The following FGF13 variants were observed in gnomAD, a reference collection of about 807,000 sequenced individuals.
FGF13 encodes fibroblast growth factor homologous factor 2.
FGF13 carries 2 observed loss-of-function variants against 19.5 expected under a neutral mutation model. The observed-to-expected ratio is 0.10, with a 90% CI of 0.04 to 0.32. The LOEUF (loss-of-function observed/expected upper bound fraction) is 0.32, where lower values mean the gene tolerates loss of function less well. Ranked by LOEUF, FGF13 falls within the 10% of genes least tolerant of loss-of-function variation. The pLI is 1.00. For synonymous variants in FGF13, 72 were observed against 76.9 expected, an observed-to-expected ratio of 0.94 and a Z score of 0.33; for missense variants, 113 against 192.7, an observed-to-expected ratio of 0.59 and a Z score of 2.45.
intron 1 of FGF13, among the ~76,000 whole-genome samples, chrX:139,137,949 C>T (rs755910960): frequency 2.5e-4 from 28 of 112,258 alleles, no homozygotes; most frequent in Non-Finnish European, 4.3e-4. Context: ...TCTTTGCAGA[C>T]AGAGTCCAGA....
At chrX:139,183,718 C>G (rs779265019) in intron 1 of FGF13, among the ~76,000 whole-genome samples, 2 of 112,071 alleles carry the variant, frequency 1.8e-5, no homozygotes, top group Non-Finnish European at 3.8e-5. Context: ...CTAAATAAAC[C>G]TCTTTTCTGT....
At chrX:138,716,541 A>G (rs1214254895), upstream of FGF13, 1 of 111,430 alleles carries the variant, frequency 9.0e-6, no homozygotes. Context: ...TGATCCTGCC[A>G]CTGCATTCCA....
At chrX:139,065,978 G>C (rs1438299799) in intron 1 of FGF13, among the ~76,000 whole-genome samples, 1 of 111,668 alleles carries the variant, frequency 9.0e-6, no homozygotes, top group Non-Finnish European at 1.9e-5. Flanking sequence ...CAGTCTCTCA[G>C]ACAACAGTGC....
At chrX:139,107,011 A>G (rs371336333) in intron 1 of FGF13, among the ~76,000 whole-genome samples, 241 of 92,062 alleles carry the variant, frequency 2.6e-3, no homozygotes, top group African/African-American at 8.7e-3. Context: ...AAGCTATGCT[A>G]TTTTTTTTTC....
At chrX:138,720,786 C>T (rs977081061) in intron 1 of FGF13, among the ~76,000 whole-genome samples, 12 of 111,450 alleles carry the variant, frequency 1.1e-4, no homozygotes, top group African/African-American at 3.9e-4. Context: ...GACTTCAAAC[C>T]TGGATTTCAA....
intron 1 of FGF13, among the ~76,000 whole-genome samples, chrX:139,033,051 A>AAAC (rs2092235805): frequency 4.1e-5 from 4 of 97,747 alleles, no homozygotes; most frequent in African/African-American, 1.6e-4. Flanking sequence ...AAAAAAAAAA[A>AAAC]AAAACTACAG....
intron 1 of FGF13, among the ~76,000 whole-genome samples, chrX:139,115,263 C>T (rs1254915735): frequency 8.9e-6 from 1 of 112,177 alleles, no homozygotes; most frequent in Non-Finnish European, 1.9e-5. Flanking sequence ...TATCCAACAT[C>T]CATATCTGCC....
chrX:139,055,903 G>T (rs977367694), intron 1 of FGF13, among the ~76,000 whole-genome samples: 1 of 112,317 alleles, frequency 8.9e-6, no homozygotes, highest in African/African-American at 3.2e-5. Flanking sequence ...TCAAAACTAG[G>T]TCCTGTTCAG....
intron 1 of FGF13, among the ~76,000 whole-genome samples, chrX:138,984,489 GAGAAGGAGAAGGAGAAGAAGAGGA>G (rs1569435984): frequency 1.0e-3 from 16 of 16,018 alleles, no homozygotes; most frequent in East Asian, 2.1e-3. Flanking sequence ...GGAGAAGAAG[GAGAAGGAGAAGGAGAAGAAGAGGA>G]AGAAGAAGAG....
At chrX:138,789,568 A>C (rs185747309) in intron 3 of FGF13, among the ~76,000 whole-genome samples, 75 of 110,992 alleles carry the variant, frequency 6.8e-4, no homozygotes, top group Non-Finnish European at 1.2e-3. Flanking sequence ...AATCATCTTT[A>C]AAAGTCCCTT....
chrX:138,650,997 A>G (rs746409494), intron 3 of FGF13, among the ~76,000 whole-genome samples: 1 of 111,993 alleles, frequency 8.9e-6, no homozygotes, highest in Non-Finnish European at 1.9e-5. Context: ...TATGCAATTC[A>G]GATCTACTGA....
rs751012441 is a variant in FGF13, at chrX:139,064,865, G to A, written c.-113+138551C>T. On this transcript the variant is annotated intron_variant, in intron 1 of 2. Coordinates refer to the FGF13 transcript ENST00000421460. ...CCCAAATTTATTTGAGGCTTTGTTC[G>A]TTTCTTTTCATTCTTTTTTCTCTAA... Among the ~76,000 whole-genome samples the A allele has an allele frequency of 9.0e-5, 10 of 111,195 alleles. No individual in the cohort carries two copies. The East Asian group carries it at 1.7e-3, about 19-fold the overall frequency.
chrX:138,687,937 G>C (rs747917022), intron 3 of FGF13, among the ~76,000 whole-genome samples: 9 of 109,233 alleles, frequency 8.2e-5, no homozygotes, highest in African/African-American at 3.0e-4. Flanking sequence ...CTCGCATATG[G>C]GAACTAAAAA....
At chrX:138,719,622 T>C (rs2124271327) in intron 1 of FGF13, among the ~76,000 whole-genome samples, 1 of 112,156 alleles carries the variant, frequency 8.9e-6, no homozygotes, top group Non-Finnish European at 1.9e-5. Context: ...CACTGTAAGC[T>C]TTTTTGTGCC....
intron 1 of FGF13, among the ~76,000 whole-genome samples, chrX:138,875,995 T>TACAC (rs749175408): frequency 0.025 from 2,495 of 98,004 alleles, 37 homozygotes; most frequent in South Asian, 0.055. Flanking sequence ...TATCGGCTTG[T>TACAC]ACACACACAC....
At chrX:138,866,648 C>G (rs2091325777) in intron 1 of FGF13, among the ~76,000 whole-genome samples, 1 of 110,854 alleles carries the variant, frequency 9.0e-6, no homozygotes, top group African/African-American at 3.3e-5. Flanking sequence ...GTTTCCTCAA[C>G]CATAAGATGA....
At chrX:138,761,881 C>T (rs1206429165) in intron 3 of FGF13, among the ~76,000 whole-genome samples, 1 of 110,488 alleles carries the variant, frequency 9.1e-6, no homozygotes, top group Non-Finnish European at 1.9e-5. Context: ...CACTTTCTGA[C>T]TCCTAATTGC....
At chrX:138,690,682 C>A (rs1307398742) in intron 3 of FGF13, among the ~76,000 whole-genome samples, 1 of 111,273 alleles carries the variant, frequency 9.0e-6, no homozygotes, top group African/African-American at 3.3e-5. Flanking sequence ...TGGTGCCAAG[C>A]AACCAATATA....
chrX:138,850,551 A>G (rs2091214544), intron 3 of FGF13, among the ~76,000 whole-genome samples: 1 of 112,100 alleles, frequency 8.9e-6, no homozygotes, highest in South Asian at 3.7e-4. Context: ...TGACTCTGCA[A>G]TTAAGCTGCC....
Sources: allele counts gnomAD v4.1 joint callset (sites outside exome capture counted in the v4.1 genomes callset), GRCh38; gene constraint gnomAD v4.1.1; transcripts MANE v1.5; gene names NCBI Gene and HGNC (gene_info 2026-07-23, HGNC 2026-07-21).